The following NOL4L variants were observed in gnomAD, a reference collection of about 807,000 sequenced individuals.
NOL4L encodes nucleolar protein 4-like.
Under a neutral mutation model 64.5 loss-of-function variants are expected in NOL4L, and 7 were observed. That is an observed-to-expected ratio of 0.11 (90% CI 0.06 to 0.20). The LOEUF (loss-of-function observed/expected upper bound fraction) is 0.20, where lower values mean the gene tolerates loss of function less well. Among genes scored for constraint, NOL4L ranks in the 10% least tolerant of loss-of-function variants. The pLI is 1.00. For synonymous variants in NOL4L, 413 were observed against 401.0 expected, an observed-to-expected ratio of 1.03 and a Z score of -0.36; for missense variants, 680 against 967.1, an observed-to-expected ratio of 0.70 and a Z score of 3.94.
At chr20:32,542,477 CCAAGTA>C (rs2018672128) in intron 1 of NOL4L, among the ~76,000 whole-genome samples, 1 of 152,140 alleles carries the variant, frequency 6.6e-6, no homozygotes, top group Non-Finnish European at 1.5e-5. Flanking sequence ...CCTCAGCCTC[CCAAGTA>C]ACTGGACCAT....
In NOL4L at chr20:32,463,613, T is replaced by C. The variant is rs2014286866; in HGVS notation, c.842-7218A>G. Among the ~76,000 whole-genome samples, 1 of 152,204 alleles carries C rather than the reference T, an allele frequency of 6.6e-6. No individual in the cohort carries two copies. The highest frequency in any genetic ancestry group is 1.9e-4 in the East Asian group (1 of 5,190). ...GTCCGTCTATTTGAACATGGGGCAA[T>C]GTGCTGCTATTCAAATGGAGGAATT... On this transcript the variant is annotated intron_variant, in intron 5 of 10. Transcript: ENST00000621426. The surrounding 1 kb of genome is among the most constrained non-coding windows in gnomAD (Gnocchi z 5.8).
chr20:32,500,211 G>GTT (rs1486199679), intron 4 of NOL4L, among the ~76,000 whole-genome samples: 1 of 152,226 alleles, frequency 6.6e-6, no homozygotes, highest in Non-Finnish European at 1.5e-5. Context: ...CCCAGATCTT[G>GTT]TTTTTTTGTT....
chr20:32,504,119 T>C (rs1450015554), intron 4 of NOL4L, among the ~76,000 whole-genome samples: 1 of 152,174 alleles, frequency 6.6e-6, no homozygotes, highest in African/African-American at 2.4e-5. Context: ...TATACATAAA[T>C]CTCTTTTTTG....
chr20:32,534,502 C>T (rs796873478), intron 1 of NOL4L, among the ~76,000 whole-genome samples: 9 of 152,340 alleles, frequency 5.9e-5, no homozygotes, highest in African/African-American at 2.2e-4. Context: ...TACTAGCATG[C>T]TCTTCCCAAC....
chr20:32,560,116 G>C (rs1238523442), intron 1 of NOL4L, among the ~76,000 whole-genome samples: 1 of 152,244 alleles, frequency 6.6e-6, no homozygotes, highest in African/African-American at 2.4e-5. Flanking sequence ...CCCAAGGCAG[G>C]GGAAGGGAGC....
At chr20:32,513,278 C>T (rs540792990) in intron 3 of NOL4L, among the ~76,000 whole-genome samples, 7 of 152,132 alleles carry the variant, frequency 4.6e-5, no homozygotes, top group Non-Finnish European at 1.0e-4. Flanking sequence ...ATAATACCTG[C>T]CCCTCAAGAG....
intron 4 of NOL4L, among the ~76,000 whole-genome samples, chr20:32,493,632 G>T (rs750643587): frequency 6.6e-6 from 1 of 152,324 alleles, no homozygotes; most frequent in African/African-American, 2.4e-5. Flanking sequence ...CTGGTGCTGG[G>T]CACAGAGCAC....
chr20:32,576,740 C>T (rs1332222334), intron 1 of NOL4L, among the ~76,000 whole-genome samples: 5 of 152,180 alleles, frequency 3.3e-5, no homozygotes, highest in Admixed American at 6.5e-5. Context: ...CCCAGCAGCC[C>T]GCCCAGGCCA....
At chr20:32,572,551 C>G (rs541043765) in intron 1 of NOL4L, 1 of 152,420 alleles carries the variant, frequency 6.6e-6, no homozygotes, top group South Asian at 2.1e-4. Context: ...TGTTCCCGCT[C>G]TCAGTCCTGT....
At chr20:32,546,920 C>A (rs1446938211) in intron 1 of NOL4L, among the ~76,000 whole-genome samples, 4 of 152,174 alleles carry the variant, frequency 2.6e-5, no homozygotes, top group African/African-American at 9.7e-5. Flanking sequence ...AAAGTAGGTG[C>A]CCAGGAAACG....
chr20:32,523,647 G>GA (rs1246413865), intron 2 of NOL4L, among the ~76,000 whole-genome samples: 3 of 152,226 alleles, frequency 2.0e-5, no homozygotes, highest in Admixed American at 1.3e-4. Context: ...CCCAAAACAT[G>GA]AAACAGATAA....
chr20:32,461,646 T>C (rs1255817684), intron 5 of NOL4L, among the ~76,000 whole-genome samples: 3 of 151,308 alleles, frequency 2.0e-5, no homozygotes, highest in South Asian at 2.1e-4. Context: ...ATGGTCTCGA[T>C]CTCCTGACCT....
chr20:32,513,369 A>G (rs1308391770), intron 3 of NOL4L, among the ~76,000 whole-genome samples: 4 of 152,240 alleles, frequency 2.6e-5, no homozygotes, highest in Non-Finnish European at 5.9e-5. Flanking sequence ...CAACCACTGT[A>G]TGATTCTACT....
chr20:32,500,422 C>T (rs1256163021), intron 4 of NOL4L, among the ~76,000 whole-genome samples: 4 of 149,734 alleles, frequency 2.7e-5, no homozygotes, highest in African/African-American at 7.4e-5. Context: ...GGCACAATCT[C>T]GGCTCATTGC....
At chr20:32,459,487 G>A (rs112093920) in intron 5 of NOL4L, among the ~76,000 whole-genome samples, 1,955 of 151,260 alleles carry the variant, frequency 0.013, 38 homozygotes, top group African/African-American at 0.045. Context: ...AGGTTCAAGC[G>A]ATTCTCCTGC....
intron 4 of NOL4L, among the ~76,000 whole-genome samples, chr20:32,494,280 AAACACAC>A (rs2016594297): frequency 1.4e-5 from 1 of 70,692 alleles, no homozygotes; most frequent in African/African-American, 5.7e-5. Context: ...AAAAAAAAAA[AAACACAC>A]AACACACACA....
intron 4 of NOL4L, among the ~76,000 whole-genome samples, chr20:32,475,772 C>T (rs1353225119): frequency 5.3e-5 from 8 of 152,326 alleles, no homozygotes; most frequent in South Asian, 4.1e-4. Context: ...GCCTCCCCTC[C>T]GGGGCCCCCC....
chr20:32,516,777 G>A (rs1364681792), intron 3 of NOL4L, among the ~76,000 whole-genome samples: 4 of 152,242 alleles, frequency 2.6e-5, no homozygotes, highest in Non-Finnish European at 5.9e-5. Flanking sequence ...CAGGCATGGA[G>A]GGCCTTGGAA....
chr20:32,530,012 C>T lies in NOL4L; in HGVS notation c.322-2099G>A, dbSNP rs1164751955. On this transcript the variant is annotated intron_variant, in intron 1 of 10. Coordinates refer to ENST00000621426, the MANE Select transcript of NOL4L (RefSeq NM_001256798.2). Reference sequence around the variant, plus strand: ...CCTCCGACATCTCAGGCCATCTGTACGGGCTGATCAATGACTAACTTGTTC... The same window carrying T: ...CCTCCGACATCTCAGGCCATCTGTATGGGCTGATCAATGACTAACTTGTTC... Among the ~76,000 whole-genome samples the T allele has an allele frequency of 4.6e-5, 7 of 152,194 alleles. No homozygotes were observed. The East Asian group carries it at 5.8e-4, about 13-fold the overall frequency.
Sources: gnomAD v4.1 joint callset for allele counts (sites outside exome capture counted in the v4.1 genomes callset) on GRCh38, gnomAD v4.1.1 for gene constraint, Gnocchi (gnomAD v3.1) non-coding constraint, MANE v1.5 for transcripts, NCBI Gene and HGNC (gene_info 2026-07-23, HGNC 2026-07-21) for gene names.